MTUS2: variants seen among roughly 807,000 people sequenced by gnomAD.
MTUS2 encodes microtubule associated scaffold protein 2.
Under a neutral mutation model 114.1 loss-of-function variants are expected in MTUS2, and 40 were observed. That is an observed-to-expected ratio of 0.35 (90% confidence interval 0.27 to 0.46). MTUS2 has a LOEUF of 0.46. Ranked by LOEUF, MTUS2 falls within the 20% of genes least tolerant of loss-of-function variation. MTUS2 has a pLI of 1.00. For synonymous variants in MTUS2, 688 were observed against 672.0 expected (o/e 1.02, Z -0.37); for missense variants, 1,679 against 1,705.4 (o/e 0.98, Z 0.27).
intron 2 of MTUS2, among the ~76,000 whole-genome samples, chr13:28,917,242 A>G (rs1233335142): frequency 1.3e-5 from 2 of 151,430 alleles, no homozygotes; most frequent in East Asian, 1.9e-4. Context: ...TTGTATCCTT[A>G]TTTGGTTTTG....
intron 5 of MTUS2, among the ~76,000 whole-genome samples, chr13:29,130,964 TC>T (rs1417711524): frequency 2.0e-5 from 3 of 152,218 alleles, no homozygotes; most frequent in Non-Finnish European, 4.4e-5. Context: ...ATCATTCATC[TC>T]CCTCTGCTCC....
chr13:29,498,459 G>T lies in MTUS2; in HGVS notation c.3720G>T (p.Lys1240Asn), dbSNP rs200711997. ...ATCAGCACTTGGAAGAAGACATGAA[G>T]AGTCTGAAGCAGGTATTAGAAATGA... ...APYQHLEEDM[K>N]SLKQVLEMKN... The change falls in exon 14 of 16, where the codon AAG becomes AAT. Residue 1240 changes from lysine (K) to asparagine (N), a missense_variant. Lys to Asn is a moderately conservative substitution (Grantham distance 94, BLOSUM62 0). Around this residue, in one of 3 missense-constraint regions of MTUS2, gnomAD observed 822 missense variants for 899.7 expected, o/e 0.91. Coordinates refer to ENST00000612955, the MANE Select transcript of MTUS2 (RefSeq NM_001033602.4). 8 of 1,614,220 alleles carry T rather than the reference G, an allele frequency of 5.0e-6. No individual in the cohort carries two copies. The highest frequency in any genetic ancestry group is 3.3e-4 in the Middle Eastern group (2 of 6,062).
Position 29,503,079 on chromosome 13 carries a change from A to C in MTUS2, c.3983A>C (p.Glu1328Ala), listed in dbSNP as rs1265702859. The change falls in exon 16 of 16, where the codon GAG becomes GCG. Residue 1328 changes from glutamate (E) to alanine (A), a missense_variant. Coordinates refer to ENST00000612955, the MANE Select transcript of MTUS2 (RefSeq NM_001033602.4). ...AAGAGATTGAGCCGAACCAATGAAGAGCTGCTTTGGAAGCTCCAAACTGGG... is the reference window on the plus strand; with the variant it reads ...AAGAGATTGAGCCGAACCAATGAAGCGCTGCTTTGGAAGCTCCAAACTGGG... ...EKKRLSRTNE[E>A]LLWKLQTGDP... 6.2e-7 allele frequency: 1 copy of C among 1,614,112 alleles called. No homozygotes were observed. The highest frequency in any genetic ancestry group is 1.3e-5 in the African/African-American group (1 of 74,952).
intron 4 of MTUS2, among the ~76,000 whole-genome samples, chr13:29,044,906 T>C (rs1361186207): frequency 6.6e-6 from 1 of 152,314 alleles, no homozygotes; most frequent in Non-Finnish European, 1.5e-5. Flanking sequence ...CTTGTGGTAC[T>C]AGAGTCCTTG....
intron 2 of MTUS2, among the ~76,000 whole-genome samples, chr13:28,849,047 A>G (rs1876077132): frequency 6.6e-6 from 1 of 152,226 alleles, no homozygotes; most frequent in South Asian, 2.1e-4. Context: ...CATCAGATGA[A>G]TAGTTTCGAT....
chr13:29,157,539 G>A (rs1242575725), intron 5 of MTUS2, among the ~76,000 whole-genome samples: 1 of 152,110 alleles, frequency 6.6e-6, no homozygotes, highest in Non-Finnish European at 1.5e-5. Context: ...ATAAAGAAAT[G>A]GAAAGTACCC....
intron 9 of MTUS2, among the ~76,000 whole-genome samples, chr13:29,468,121 A>T (rs1566217899): frequency 6.6e-6 from 1 of 152,106 alleles, no homozygotes; most frequent in Non-Finnish European, 1.5e-5. Flanking sequence ...CCTGCCTCAA[A>T]AAAACACAAA....
At chr13:28,912,737 T>C (rs1288251974) in intron 2 of MTUS2, among the ~76,000 whole-genome samples, 3 of 152,068 alleles carry the variant, frequency 2.0e-5, no homozygotes, top group Non-Finnish European at 4.4e-5. Context: ...ACTTCCCTTG[T>C]TAGCTTAGCT....
intron 2 of MTUS2, among the ~76,000 whole-genome samples, chr13:28,979,517 CTTTGTTTTT>C (rs1375246239): frequency 6.6e-6 from 1 of 152,022 alleles, no homozygotes; most frequent in Non-Finnish European, 1.5e-5. Context: ...TAAAACAACC[CTTTGTTTTT>C]TTTCTAAAAA....
At chr13:29,083,216 C>A (rs1373421355) in intron 4 of MTUS2, among the ~76,000 whole-genome samples, 2 of 152,070 alleles carry the variant, frequency 1.3e-5, no homozygotes, top group Non-Finnish European at 2.9e-5. Flanking sequence ...AGGCAATGGC[C>A]CATTTCTCTT....
intron 4 of MTUS2, among the ~76,000 whole-genome samples, chr13:29,089,865 A>G (rs189783337): frequency 6.6e-6 from 1 of 152,308 alleles, no homozygotes; most frequent in Non-Finnish European, 1.5e-5. Context: ...TCTTTGAATT[A>G]GGTTTCAGCC....
chr13:29,057,320 A>G (rs1467013555), intron 4 of MTUS2, among the ~76,000 whole-genome samples: 1 of 152,070 alleles, frequency 6.6e-6, no homozygotes, highest in African/African-American at 2.4e-5. Context: ...CCATTCAGTC[A>G]AATAATTGAG....
rs147751712 is a variant in MTUS2, at chr13:29,328,340, G to A, written c.2905+3629G>A. On this transcript the variant is annotated intron_variant, in intron 7 of 15. Coordinates refer to ENST00000612955, the MANE Select transcript of MTUS2 (RefSeq NM_001033602.4). ...GTGTGCCTGAAGCAGCCAGATTACA[G>A]CTTGATTTTATACATTTCAGGGAGA... is the stretch of plus-strand genomic sequence containing the variant. Among the ~76,000 whole-genome samples the A allele has an allele frequency of 4.6e-3, 708 of 152,350 alleles. 6 individuals carry two copies. The highest frequency in any genetic ancestry group is 0.016 in the African/African-American group (662 of 41,580).
At chr13:29,058,577 T>C (rs1318639870) in intron 4 of MTUS2, among the ~76,000 whole-genome samples, 1 of 131,132 alleles carries the variant, frequency 7.6e-6, no homozygotes. Context: ...TTTTTTTTTT[T>C]TTTTAATTAT....
intron 5 of MTUS2, among the ~76,000 whole-genome samples, chr13:29,231,552 A>G (rs1434446825): frequency 1.3e-5 from 2 of 152,202 alleles, no homozygotes; most frequent in South Asian, 2.1e-4. Flanking sequence ...GGCTACACTT[A>G]TATTTACAAA....
chr13:29,253,974 G>C (rs1042966161), intron 5 of MTUS2, among the ~76,000 whole-genome samples: 1 of 152,148 alleles, frequency 6.6e-6, no homozygotes, highest in Non-Finnish European at 1.5e-5. Context: ...CCCACAACAC[G>C]TGGGAATTCC....
Position 29,480,509 on chromosome 13 carries a change from C to G in MTUS2, c.3399+145C>G. Reference sequence around the variant, plus strand: ...TTTCTGAGTTGCTTTCTCCTTTCTCCCCGCTCCTCTCTTCTCCTCCAGCCA... The same window carrying G: ...TTTCTGAGTTGCTTTCTCCTTTCTCGCCGCTCCTCTCTTCTCCTCCAGCCA... On this transcript the variant is annotated intron_variant, in intron 10 of 15. Transcript: ENST00000612955. This position sits in a 1 kb window ranked among gnomAD's most constrained non-coding sequence, Gnocchi z 4.4. 1.1e-6 allele frequency: 1 copy of G among 905,152 alleles called. No individual in the cohort carries two copies. The highest frequency in any genetic ancestry group is 1.6e-6 in the Non-Finnish European group (1 of 620,970). The allele number at this position is 905,152 out of a possible 1,614,324, so 56.1% of individuals were successfully genotyped here. A position where few individuals can be genotyped will look rare whatever the true frequency, so the allele number is the denominator to read the frequency against.
chr13:29,297,112 T>C (rs1388692636), intron 6 of MTUS2, among the ~76,000 whole-genome samples: 1 of 152,120 alleles, frequency 6.6e-6, no homozygotes, highest in African/African-American at 2.4e-5. Context: ...TTATTTTGAG[T>C]TTATTTTTAT....
At chr13:28,952,287 C>T (rs1379855762) in intron 2 of MTUS2, among the ~76,000 whole-genome samples, 2 of 152,206 alleles carry the variant, frequency 1.3e-5, no homozygotes, top group Non-Finnish European at 2.9e-5. Flanking sequence ...ACATAACTTT[C>T]CAAAACATTC....
Sources: gnomAD v4.1 joint callset for allele counts (sites outside exome capture counted in the v4.1 genomes callset) on GRCh38, gnomAD v4.1.1 for gene constraint, gnomAD v4.1.1 regional missense constraint, Gnocchi (gnomAD v3.1) non-coding constraint, MANE v1.5 for transcripts, NCBI Gene and HGNC (gene_info 2026-07-23, HGNC 2026-07-21) for gene names.